The following ZC3H12C variants were observed in gnomAD, a reference collection of about 807,000 sequenced individuals.
ZC3H12C encodes the protein probable ribonuclease ZC3H12C.
In ZC3H12C, 20 loss-of-function variants were observed where a neutral mutation model predicts 76.3. That is an observed-to-expected ratio of 0.26 (90% confidence interval 0.18 to 0.38). The LOEUF (loss-of-function observed/expected upper bound fraction) is 0.38. Ranked by LOEUF, ZC3H12C falls within the 10% of genes least tolerant of loss-of-function variation. The pLI is 1.00. For missense variants in ZC3H12C, 874 were observed against 1,086.5 expected (o/e 0.80, Z 2.75); for synonymous variants, 352 against 399.6 (o/e 0.88, Z 1.42).
intron 2 of ZC3H12C, among the ~76,000 whole-genome samples, chr11:110,138,040 G>A (rs1862002375): frequency 6.6e-6 from 1 of 151,968 alleles, no homozygotes; most frequent in Non-Finnish European, 1.5e-5. Context: ...GATCATTTGA[G>A]GCCAGGAGTT....
intron 1 of ZC3H12C, among the ~76,000 whole-genome samples, chr11:110,126,130 A>G (rs774620952): frequency 6.6e-5 from 10 of 152,038 alleles, no homozygotes; most frequent in Non-Finnish European, 1.2e-4. Context: ...TAGTATTTTT[A>G]GGAGCAAATA....
rs780281950 is a variant in ZC3H12C, at chr11:110,136,922, C to T, written c.281C>T (p.Thr94Ile). ...NASSGDSEEN[T>I]NSDHESEQLG... is the part of the protein sequence containing the mutation. Reference sequence around the variant, plus strand: ...AGCTCTGGTGACTCTGAAGAAAACACAAATTCTGATCATGAGTCAGAACAA... The same window carrying T: ...AGCTCTGGTGACTCTGAAGAAAACATAAATTCTGATCATGAGTCAGAACAA... Residue 94 changes from threonine (T) to isoleucine (I), a missense_variant, in exon 2 of 6, where the codon ACA (threonine) becomes ATA (isoleucine). This residue lies in a region of ZC3H12C where 210 missense variants were observed against 227.1 expected (regional missense o/e 0.92). Coordinates refer to ENST00000278590, the MANE Select transcript of ZC3H12C (RefSeq NM_033390.2). 1 of 1,613,752 alleles carries T rather than the reference C, an allele frequency of 6.2e-7. No individual in the cohort carries two copies. Among genetic ancestry groups the T allele is most frequent in the Non-Finnish European group, 8.5e-7 (1 of 1,179,810 alleles).
At chr11:110,096,576 G>A (rs1861116582) in intron 1 of ZC3H12C, among the ~76,000 whole-genome samples, 1 of 152,152 alleles carries the variant, frequency 6.6e-6, no homozygotes, top group African/African-American at 2.4e-5. Context: ...TTGCAGAAAG[G>A]AGTTCAGACC....
At chr11:110,160,377 A>G (rs1862458152) in intron 4 of ZC3H12C, among the ~76,000 whole-genome samples, 1 of 148,318 alleles carries the variant, frequency 6.7e-6, no homozygotes, top group Non-Finnish European at 1.5e-5. Flanking sequence ...CTTTTTTACT[A>G]TTAATATATA....
intron 1 of ZC3H12C, among the ~76,000 whole-genome samples, chr11:110,107,493 G>GCA (rs1286794772): frequency 6.6e-6 from 1 of 151,792 alleles, no homozygotes; most frequent in African/African-American, 2.4e-5. Context: ...GGGACCACAG[G>GCA]CACACACCAC....
intron 4 of ZC3H12C, 125 bp from the exon 5 acceptor site, chr11:110,163,148 T>A (rs1862511481): frequency 1.4e-6 from 1 of 690,942 alleles, no homozygotes; most frequent in South Asian, 2.3e-5. Flanking sequence ...AAACGTGGAA[T>A]CAAAACACTT....
chr11:110,165,117 C>G lies in ZC3H12C; in HGVS notation c.2032C>G (p.Gln678Glu), dbSNP rs1225271900. 3.1e-6 allele frequency: 5 copies of G among 1,613,674 alleles called. No individual in the cohort carries two copies. The African/African-American group carries it at 4.0e-5, about 13-fold the overall frequency. The change falls in exon 6 of 6, where the codon CAG becomes GAG. Residue 678 changes from glutamine to glutamate, a missense_variant. Physicochemically the swap from Gln to Glu is conservative, Grantham distance 29. This residue lies in a region of ZC3H12C where 395 missense variants were observed against 434.4 expected (regional missense o/e 0.91). Coordinates refer to ENST00000278590, the MANE Select transcript of ZC3H12C (RefSeq NM_033390.2). ...CCGCCTTAATCCTCAACCGTTCCTG[C>G]AGAATTTCCACGACCCCTTAACCAG... is the stretch of plus-strand genomic sequence containing the variant. ...HSRLNPQPFL[Q>E]NFHDPLTRGQ...
chr11:110,109,283 C>A (rs1194537393), intron 1 of ZC3H12C, among the ~76,000 whole-genome samples: 1 of 152,154 alleles, frequency 6.6e-6, no homozygotes, highest in Non-Finnish European at 1.5e-5. Flanking sequence ...GGAATGGAAT[C>A]AAGTATATAA....
At chr11:110,145,607 G>T (rs76241601) in intron 2 of ZC3H12C, among the ~76,000 whole-genome samples, 4 of 150,486 alleles carry the variant, frequency 2.7e-5, no homozygotes, top group African/African-American at 7.3e-5. Context: ...TTGGGGGCGG[G>T]GGGGAGTTGC....
intron 2 of ZC3H12C, among the ~76,000 whole-genome samples, chr11:110,148,269 T>G (rs951013289): frequency 1.3e-5 from 2 of 152,224 alleles, no homozygotes; most frequent in African/African-American, 4.8e-5. Context: ...CAAATGAGCC[T>G]TCTTTTGACC....
intron 1 of ZC3H12C, among the ~76,000 whole-genome samples, chr11:110,110,785 T>C (rs968871397): frequency 6.6e-6 from 1 of 152,098 alleles, no homozygotes; most frequent in Non-Finnish European, 1.5e-5. Context: ...AGAACATAAG[T>C]AGGGAACAAG....
At chr11:110,148,526 C>T (rs892203895) in intron 2 of ZC3H12C, among the ~76,000 whole-genome samples, 7 of 152,168 alleles carry the variant, frequency 4.6e-5, no homozygotes, top group Admixed American at 4.6e-4. Flanking sequence ...CCAAAGTAGT[C>T]AGAGGGAGAC....
At chr11:110,103,668 C>T (rs865823949) in intron 1 of ZC3H12C, among the ~76,000 whole-genome samples, 3 of 151,194 alleles carry the variant, frequency 2.0e-5, no homozygotes, top group South Asian at 2.1e-4. Flanking sequence ...TGCAGTGGTG[C>T]GAACTCGGCT....
At chr11:110,137,939 A>G (rs986185381) in intron 2 of ZC3H12C, among the ~76,000 whole-genome samples, 6 of 151,966 alleles carry the variant, frequency 3.9e-5, no homozygotes, top group Non-Finnish European at 8.8e-5. Flanking sequence ...ACTGGGGGGA[A>G]AAAAAAGCAA....
rs1261735652 is a variant in ZC3H12C at position 110,165,308 on chromosome 11, G to A, written c.2223G>A (p.Arg741=). ...ACTCTAAGGCACCACACCTAGGGAG[G>A]TCCTTGGTGGCCACGAGAATAGACA... is the stretch of plus-strand genomic sequence containing the variant. The part of the protein sequence containing the change: ...SAHSKAPHLG[R]SLVATRIDSI... The change falls in exon 6 of 6, where the codon AGG becomes AGA. Residue 741 remains arginine (R), a synonymous_variant. Transcript: ENST00000278590. 2.5e-6 allele frequency: 4 copies of A among 1,613,852 alleles called. No individual in the cohort carries two copies. The highest frequency in any genetic ancestry group is 3.4e-6 in the Non-Finnish European group (4 of 1,179,898).
intron 1 of ZC3H12C, among the ~76,000 whole-genome samples, chr11:110,123,649 A>T (rs1446967410): frequency 1.3e-5 from 2 of 152,296 alleles, no homozygotes; most frequent in East Asian, 3.9e-4. Context: ...TTTTGAACTT[A>T]ATCCCCTCAA....
chr11:110,140,001 G>C (rs983400579), intron 2 of ZC3H12C, among the ~76,000 whole-genome samples: 1 of 150,874 alleles, frequency 6.6e-6, no homozygotes, highest in South Asian at 2.1e-4. Context: ...ATGACTTGTC[G>C]TTAAGAAAAT....
intron 1 of ZC3H12C, among the ~76,000 whole-genome samples, chr11:110,104,736 C>T (rs1028119684): frequency 1.5e-4 from 23 of 152,170 alleles, no homozygotes; most frequent in African/African-American, 5.6e-4. Flanking sequence ...ACATGATCTA[C>T]TTTGAAGAGT....
intron 1 of ZC3H12C, among the ~76,000 whole-genome samples, chr11:110,097,074 AT>A: frequency 6.6e-6 from 1 of 152,258 alleles, no homozygotes; most frequent in Non-Finnish European, 1.5e-5. Context: ...GGTATAAAGA[AT>A]TTTTAAAACA....
Sources: allele counts gnomAD v4.1 joint callset (sites outside exome capture counted in the v4.1 genomes callset), GRCh38; gene constraint gnomAD v4.1.1; regional missense constraint gnomAD v4.1.1; transcripts MANE v1.5; gene names NCBI Gene and HGNC (gene_info 2026-07-23, HGNC 2026-07-21).